The following MYH15 variants were observed in gnomAD, a reference collection of about 807,000 sequenced individuals.
The protein encoded by MYH15 is myosin-15.
MYH15 carries 227 observed loss-of-function variants against 240.5 expected under a neutral mutation model. The ratio of observed to expected loss-of-function variants is 0.94; its 90% CI spans 0.85 to 1.05. The LOEUF (loss-of-function observed/expected upper bound fraction) is 1.05, where lower values mean the gene tolerates loss of function less well. Ranked by LOEUF, MYH15 falls within the 50% of genes least tolerant of loss-of-function variation. The probability of loss-of-function intolerance (pLI) is 0.00; values close to 1 mark genes in which losing one functional copy is unlikely to be tolerated. For synonymous variants in MYH15, 785 were observed against 796.7 expected (o/e 0.99, Z 0.25); for missense variants, 2,217 against 2,247.5 (o/e 0.99, Z 0.27).
chr3:108,516,495 C>A (rs562059033), intron 1 of MYH15, among the ~76,000 whole-genome samples: 1 of 152,278 alleles, frequency 6.6e-6, no homozygotes, highest in South Asian at 2.1e-4. Context: ...ATTTGAGTTA[C>A]AAGGCCCAGT....
chr3:108,393,921 G>T, intron 36 of MYH15, 110 bp downstream of exon 36: 1 of 1,505,486 alleles, frequency 6.6e-7, no homozygotes. Context: ...CCCCCTGGCT[G>T]TATGGGAAAT....
At chr3:108,440,903 A>AGTTGCAGGCCACTGT in intron 23 of MYH15, 115 bp downstream of exon 23, 1 of 1,251,628 alleles carries the variant, frequency 8.0e-7, no homozygotes. Context: ...AATGCTGTAA[A>AGTTGCAGGCCACTGT]GTTGCAGGCC....
intron 25 of MYH15, among the ~76,000 whole-genome samples, chr3:108,432,695 G>T (rs1194508194): frequency 2.0e-5 from 3 of 152,186 alleles, no homozygotes; most frequent in Non-Finnish European, 4.4e-5. Context: ...GCTGAAAGGG[G>T]TCAACATAGA....
At chr3:108,422,900 T>G (rs2082694458) in intron 27 of MYH15, among the ~76,000 whole-genome samples, 1 of 152,232 alleles carries the variant, frequency 6.6e-6, no homozygotes, top group South Asian at 2.1e-4. Flanking sequence ...AGCCAAAACC[T>G]AGGCCATCTC....
chr3:108,537,165 T>C, the MYH15 span, among the ~76,000 whole-genome samples: 5 of 152,348 alleles, frequency 3.3e-5, no homozygotes, highest in African/African-American at 1.2e-4. Context: ...TAATTGATTA[T>C]AACTTACAGA....
intron 1 of MYH15, among the ~76,000 whole-genome samples, chr3:108,521,897 G>A (rs559928219): frequency 3.3e-5 from 5 of 152,160 alleles, no homozygotes; most frequent in African/African-American, 7.2e-5. Flanking sequence ...TGGGGCCTGA[G>A]TAAAAGGGTG....
chr3:108,413,017 C>T (rs935597633), intron 30 of MYH15, among the ~76,000 whole-genome samples: 6 of 152,186 alleles, frequency 3.9e-5, no homozygotes, highest in African/African-American at 1.4e-4. Flanking sequence ...TTACATACTA[C>T]AGAACTAGTT....
chr3:108,425,379 AC>A (rs1463109789), intron 27 of MYH15, among the ~76,000 whole-genome samples: 1 of 152,206 alleles, frequency 6.6e-6, no homozygotes, highest in Non-Finnish European at 1.5e-5. Context: ...TAAATACTTT[AC>A]AAATATTAAT....
chr3:108,497,803 A>C (rs1219175196), intron 6 of MYH15, among the ~76,000 whole-genome samples: 1 of 152,252 alleles, frequency 6.6e-6, no homozygotes, highest in African/African-American at 2.4e-5. Flanking sequence ...AACAAAGACC[A>C]GGCCAGAAAA....
chr3:108,536,500 A>G, the MYH15 span, among the ~76,000 whole-genome samples: 3 of 152,230 alleles, frequency 2.0e-5, no homozygotes, highest in Non-Finnish European at 4.4e-5. Flanking sequence ...TCACACTGTA[A>G]AGTTTATAGT....
chr3:108,423,774 A>G (rs1271692951), intron 27 of MYH15, among the ~76,000 whole-genome samples: 1 of 152,252 alleles, frequency 6.6e-6, no homozygotes, highest in Non-Finnish European at 1.5e-5. Flanking sequence ...ATTCGAACTG[A>G]AACTGCCTGT....
intron 21 of MYH15, among the ~76,000 whole-genome samples, chr3:108,451,623 G>C (rs1483518389): frequency 6.6e-6 from 1 of 152,110 alleles, no homozygotes; most frequent in Admixed American, 6.5e-5. Context: ...TTATAAACTG[G>C]TTCATGTTTT....
At chr3:108,449,071 A>G (rs1176887333) in intron 21 of MYH15, among the ~76,000 whole-genome samples, 1 of 152,044 alleles carries the variant, frequency 6.6e-6, no homozygotes, top group Non-Finnish European at 1.5e-5. Flanking sequence ...TGAAAACTAT[A>G]AAACATTGAT....
At position 108,500,271 on chromosome 3, in the gene MYH15, A is replaced by G; in HGVS notation, c.343T>C (p.Tyr115His). 1 of 1,606,862 alleles carries G rather than the reference A, an allele frequency of 6.2e-7. No individual in the cohort carries two copies. Residue 115 changes from tyrosine (Y) to histidine (H), a missense_variant, in exon 4 of 41, where the codon TAT (tyrosine) becomes CAT (histidine). By Grantham distance (83) the Tyr-to-His change is moderately conservative. Transcript: ENST00000693548. Reference sequence around the variant, plus strand: ...ATGGTCACACAGAAGAGACCTGAATATGTCTGAGGGAAAATCAGAAAAGAT... The same window carrying G: ...ATGGTCACACAGAAGAGACCTGAATGTGTCTGAGGGAAAATCAGAAAAGAT... ...RRYGQWMIYT[Y>H]SGLFCVTINP...
At chr3:108,454,219 C>T (rs1185080506) in intron 20 of MYH15, 77 bp from the exon 21 acceptor site, 1 of 1,334,494 alleles carries the variant, frequency 7.5e-7, no homozygotes, top group African/African-American at 1.4e-5. Context: ...CTGTGAGCAA[C>T]TGTTGTGTTC....
In MYH15 at chr3:108,391,917, G is replaced by C; in HGVS notation, c.5273C>G (p.Ser1758Ter). The C allele has an allele frequency of 6.2e-7, 1 of 1,613,944 alleles. No individual in the cohort carries two copies. Among genetic ancestry groups the C allele is most frequent in the Non-Finnish European group, 8.5e-7 (1 of 1,179,936 alleles). ...GTCTTGCTTCTTCTTCAGTTCTTCT[G>C]ACAAGTTTGCTGCCTAGGGGGTTAA... is the stretch of plus-strand genomic sequence containing the variant. Reference protein sequence around the residue: ...KKAAIEAANLSEELKKKQDTI... With the variant: ...KKAAIEAANL Residue 1758 changes from serine to a stop codon, truncating the protein, a stop_gained, in exon 37 of 41, where the codon TCA (serine) becomes TGA (stop). Transcript: ENST00000693548. LOFTEE classifies it high-confidence loss of function.
chr3:108,448,980 A>C (rs1224546477), intron 21 of MYH15, among the ~76,000 whole-genome samples: 1 of 152,006 alleles, frequency 6.6e-6, no homozygotes, highest in Non-Finnish European at 1.5e-5. Context: ...TCCAAAAAAG[A>C]AGTCAATTCA....
intron 1 of MYH15, among the ~76,000 whole-genome samples, chr3:108,525,464 A>G (rs978360994): frequency 6.6e-6 from 1 of 152,088 alleles, no homozygotes; most frequent in African/African-American, 2.4e-5. Flanking sequence ...GACCCAGCAC[A>G]TTGCATTGCT....
At position 108,495,869 on chromosome 3, in the gene MYH15, C is replaced by A. The variant is rs751604307; in HGVS notation, c.622G>T (p.Ala208Ser). Reference sequence around the variant, plus strand: ...GCTTGCATGATTTGATCTTCTAACGCCCCCTGAGACACATGCAAGAGAAGT... The same window carrying A: ...GCTTGCATGATTTGATCTTCTAACGACCCCTGAGACACATGCAAGAGAAGT... Reference protein sequence around the residue: ...AMIESRKKQGALEDQIMQANT... With the variant: ...AMIESRKKQGSLEDQIMQANT... Residue 208 changes from alanine to serine, a missense_variant, in exon 7 of 41, where the codon GCG becomes TCG. Transcript: ENST00000693548. 1.9e-6 allele frequency: 3 copies of A among 1,604,410 alleles called. No individual in the cohort carries two copies. Among genetic ancestry groups the A allele is most frequent in the Admixed American group, 1.7e-5 (1 of 58,816 alleles).
Sources: gnomAD v4.1 joint callset for allele counts (sites outside exome capture counted in the v4.1 genomes callset) on GRCh38, gnomAD v4.1.1 for gene constraint, MANE v1.5 for transcripts, NCBI Gene and HGNC (gene_info 2026-07-23, HGNC 2026-07-21) for gene names.